CTNNA3: variants seen among roughly 807,000 people sequenced by gnomAD.
The protein encoded by CTNNA3 is catenin alpha 3, also known as catenin alpha-3.
Under a neutral mutation model 95.7 loss-of-function variants are expected in CTNNA3, and 76 were observed. The ratio of observed to expected loss-of-function variants is 0.79; its 90% CI spans 0.66 to 0.96. CTNNA3 has a LOEUF of 0.96. Among genes scored for constraint, CTNNA3 ranks in the 40% least tolerant of loss-of-function variants. The pLI, the probability that CTNNA3 is intolerant of heterozygous loss-of-function variation, is 0.00. For missense variants in CTNNA3, 1,191 were observed against 1,089.8 expected, an observed-to-expected ratio of 1.09 and a Z score of -1.31; for synonymous variants, 431 against 374.4, an observed-to-expected ratio of 1.15 and a Z score of -1.74.
chr10:67,573,038 G>A (rs750992069), intron 3 of CTNNA3, among the ~76,000 whole-genome samples: 3 of 152,160 alleles, frequency 2.0e-5, no homozygotes, highest in Non-Finnish European at 2.9e-5. Context: ...GCAGTGAGCC[G>A]TGATTGTACC....
At chr10:66,683,675 T>A (rs1047000454) in intron 9 of CTNNA3, among the ~76,000 whole-genome samples, 1 of 152,196 alleles carries the variant, frequency 6.6e-6, no homozygotes, top group Admixed American at 6.5e-5. Flanking sequence ...TTAATAAGCA[T>A]CACACTATGA....
At chr10:66,635,342 C>G (rs1184309143) in intron 9 of CTNNA3, among the ~76,000 whole-genome samples, 1 of 152,046 alleles carries the variant, frequency 6.6e-6, no homozygotes, top group Non-Finnish European at 1.5e-5. Flanking sequence ...AAATATGAAG[C>G]ATGCAGGTCT....
intron 7 of CTNNA3, among the ~76,000 whole-genome samples, chr10:67,011,965 C>T (rs1852367068): frequency 6.6e-6 from 1 of 152,080 alleles, no homozygotes; most frequent in African/African-American, 2.4e-5. Context: ...TGGTTTTGAC[C>T]AACATTACCT....
intron 2 of CTNNA3, among the ~76,000 whole-genome samples, chr10:67,608,093 T>C (rs1321383534): frequency 6.6e-6 from 1 of 152,020 alleles, no homozygotes. Flanking sequence ...GGACTTTGAG[T>C]GAGACCTGTT....
intron 3 of CTNNA3, among the ~76,000 whole-genome samples, chr10:67,575,937 A>T (rs1214860072): frequency 1.3e-5 from 2 of 152,200 alleles, no homozygotes; most frequent in Non-Finnish European, 2.9e-5. Flanking sequence ...TGATACACCC[A>T]GTGGACCTCC....
intron 1 of CTNNA3, among the ~76,000 whole-genome samples, chr10:67,714,330 C>A (rs1841130094): frequency 6.6e-6 from 1 of 152,266 alleles, no homozygotes; most frequent in Admixed American, 6.5e-5. Context: ...TGGGAACCTA[C>A]CTCTTGCATC....
At chr10:67,645,016 A>G (rs1363887678) in intron 2 of CTNNA3, among the ~76,000 whole-genome samples, 1 of 152,206 alleles carries the variant, frequency 6.6e-6, no homozygotes, top group Admixed American at 6.6e-5. Flanking sequence ...GAATCCAAGA[A>G]CATCAAAAGC....
intron 7 of CTNNA3, among the ~76,000 whole-genome samples, chr10:67,081,702 C>A (rs1164502420): frequency 1.3e-5 from 2 of 152,216 alleles, no homozygotes; most frequent in East Asian, 3.9e-4. Context: ...TCTCCTGGAC[C>A]AGCTATGCTG....
At position 66,738,838 on chromosome 10, in the gene CTNNA3, G is replaced by T. The variant is rs184581333; in HGVS notation, c.1281+27426C>A. 5.9e-5 allele frequency among the ~76,000 whole-genome samples: 9 copies of T among 152,306 alleles called. No homozygotes were observed. In the East Asian group the frequency reaches 7.7e-4, roughly 13 times the overall value. ...ATTTCTGGATAATTTTAAGCAGCCTGAAATTATTTTCTTCTATTTCCCGCA... is the reference window on the plus strand; with the variant it reads ...ATTTCTGGATAATTTTAAGCAGCCTTAAATTATTTTCTTCTATTTCCCGCA... On this transcript the variant is annotated intron_variant, in intron 9 of 17. Transcript: ENST00000433211.
intron 2 of CTNNA3, among the ~76,000 whole-genome samples, chr10:67,621,748 C>CAAA (rs3059973): frequency 8.8e-6 from 1 of 113,528 alleles, no homozygotes; most frequent in South Asian, 2.9e-4. Context: ...GACATCATCT[C>CAAA]AAAAAAAAAA....
chr10:66,554,113 T>C (rs929564272), intron 10 of CTNNA3, among the ~76,000 whole-genome samples: 4 of 152,156 alleles, frequency 2.6e-5, no homozygotes, highest in African/African-American at 4.8e-5. Flanking sequence ...TCTTATTTTC[T>C]TTCTGAAACT....
intron 7 of CTNNA3, among the ~76,000 whole-genome samples, chr10:67,091,597 C>T (rs934112265): frequency 3.3e-5 from 5 of 151,616 alleles, no homozygotes; most frequent in African/African-American, 9.7e-5. Context: ...TTATAAATGC[C>T]CAGTTTTATT....
At chr10:66,607,807 T>C (rs1398780968) in intron 10 of CTNNA3, among the ~76,000 whole-genome samples, 1 of 152,090 alleles carries the variant, frequency 6.6e-6, no homozygotes, top group Non-Finnish European at 1.5e-5. Flanking sequence ...TTCAAAATAA[T>C]AACAGTCATC....
chr10:66,603,193 C>G (rs1843995060), intron 10 of CTNNA3, among the ~76,000 whole-genome samples: 1 of 151,944 alleles, frequency 6.6e-6, no homozygotes, highest in South Asian at 2.1e-4. Flanking sequence ...TTTAGAAAGG[C>G]CTATTATACC....
intron 13 of CTNNA3, among the ~76,000 whole-genome samples, chr10:66,161,467 C>T (rs1038771465): frequency 5.3e-5 from 8 of 152,236 alleles, no homozygotes; most frequent in Admixed American, 2.0e-4. Flanking sequence ...TGCTTAGTTT[C>T]GCTGGATACA....
chr10:66,705,603 A>G (rs1450645826), intron 9 of CTNNA3, among the ~76,000 whole-genome samples: 1 of 152,040 alleles, frequency 6.6e-6, no homozygotes, highest in Non-Finnish European at 1.5e-5. Context: ...TCTATCAATT[A>G]TTGAGATTGA....
chr10:65,969,754 C>T (rs1052523771), intron 16 of CTNNA3, among the ~76,000 whole-genome samples: 2 of 151,980 alleles, frequency 1.3e-5, no homozygotes, highest in Admixed American at 6.6e-5. Flanking sequence ...TAAACAAAGT[C>T]TTTGAGAGAT....
At chr10:67,584,077 C>T (rs1001619613) in intron 3 of CTNNA3, among the ~76,000 whole-genome samples, 5 of 152,202 alleles carry the variant, frequency 3.3e-5, no homozygotes, top group Non-Finnish European at 7.3e-5. Flanking sequence ...TCATCAAAGT[C>T]ATTCTCCATC....
chr10:67,641,214 C>T (rs1465175022), intron 2 of CTNNA3, among the ~76,000 whole-genome samples: 1 of 152,146 alleles, frequency 6.6e-6, no homozygotes, highest in African/African-American at 2.4e-5. Context: ...ACAGACACTT[C>T]TCAAAAGAAG....
Sources: gnomAD v4.1 joint callset for allele counts (sites outside exome capture counted in the v4.1 genomes callset) on GRCh38, gnomAD v4.1.1 for gene constraint, MANE v1.5 for transcripts, NCBI Gene and HGNC (gene_info 2026-07-23, HGNC 2026-07-21) for gene names.